NTAQ1: variants seen among roughly 807,000 people sequenced by gnomAD.
NTAQ1 encodes the protein protein N-terminal glutamine amidohydrolase.
NTAQ1 carries 21 observed loss-of-function variants against 28.2 expected under a neutral mutation model. That is an observed-to-expected ratio of 0.74 (90% CI 0.53 to 1.07). NTAQ1 has a LOEUF of 1.07. NTAQ1 is among the 50% of genes least tolerant of loss of function. The probability of loss-of-function intolerance (pLI) is 0.00; values close to 1 mark genes in which losing one functional copy is unlikely to be tolerated. For synonymous variants in NTAQ1, 105 were observed against 90.0 expected (o/e 1.17, Z -0.94); for missense variants, 264 against 256.6 (o/e 1.03, Z -0.20).
chr8:123,449,974 T>TATATATATATATATATATATATATATGA (rs371673968), downstream of NTAQ1, among the ~76,000 whole-genome samples: 1,026 of 55,772 alleles, frequency 0.018, 192 homozygotes, highest in East Asian at 0.028. Flanking sequence ...TATATATATA[T>TATATATATATATATATATATATATATGA]GCTGGATAAA....
rs762479894 is a variant in NTAQ1, at chr8:123,419,081, GTTTTTTTTT to G, written c.83+2176_83+2184del. On this transcript the variant is annotated intron_variant, in intron 1 of 5. Coordinates refer to ENST00000287387, the MANE Select transcript of NTAQ1 (RefSeq NM_018024.3). The stretch of plus-strand genomic sequence containing the variant: ...TACTTTGGCTCCTGCAGCTTTGGGG[GTTTTTTTTT>G]TTTTTTTTTTTTTTTTTTTTTTTTT... 3.9e-4 allele frequency among the ~76,000 whole-genome samples: 47 copies of G among 119,930 alleles called. 6 individuals are homozygous for G. The highest frequency in any genetic ancestry group is 1.5e-3 in the African/African-American group (45 of 29,554). The allele number at this position is 119,930 out of a possible 152,430, so 78.7% of individuals were successfully genotyped here. A position where few individuals can be genotyped will look rare whatever the true frequency, so the allele number is the denominator to read the frequency against.
downstream of NTAQ1, among the ~76,000 whole-genome samples, chr8:123,473,284 G>A (rs531708118): frequency 6.6e-6 from 1 of 150,488 alleles, no homozygotes; most frequent in Admixed American, 6.6e-5. Context: ...TAATTAATTT[G>A]TATTCTTGAA....
At chr8:123,438,353 A>G in intron 5 of NTAQ1, 1 of 577,544 alleles carries the variant, frequency 1.7e-6, no homozygotes, top group South Asian at 2.1e-5. Flanking sequence ...ATAGGGCAGT[A>G]GTGTTAGTAC....
At chr8:123,469,182 A>C (rs538499109) in exon 7 of NTAQ1, among the ~76,000 whole-genome samples, 1 of 152,308 alleles carries the variant, frequency 6.6e-6, no homozygotes, top group Non-Finnish European at 1.5e-5. Flanking sequence ...CCTTTTCACT[A>C]TATTGATTGT....
intron 3 of NTAQ1, among the ~76,000 whole-genome samples, chr8:123,431,588 G>A (rs1457572003): frequency 6.6e-6 from 1 of 152,190 alleles, no homozygotes; most frequent in African/African-American, 2.4e-5. Flanking sequence ...GCCAGCAGGT[G>A]ATCTTGCATG....
chr8:123,444,053 TTC>T (rs1554656176), downstream of NTAQ1, among the ~76,000 whole-genome samples: 1,575 of 151,290 alleles, frequency 0.01, 21 homozygotes, highest in African/African-American at 0.036. Flanking sequence ...TTTAAACTTT[TTC>T]TTTTTTTTTT....
At chr8:123,449,075 A>G (rs1205206042), downstream of NTAQ1, among the ~76,000 whole-genome samples, 2 of 152,160 alleles carry the variant, frequency 1.3e-5, no homozygotes, top group East Asian at 1.9e-4. Context: ...TGGGAAGGAA[A>G]GAAAGAACTG....
chr8:123,437,803 A>T (rs1416843781), intron 5 of NTAQ1, among the ~76,000 whole-genome samples: 6 of 152,192 alleles, frequency 3.9e-5, no homozygotes, highest in Admixed American at 3.3e-4. Context: ...TTCAGAAATG[A>T]AGGCACAGAG....
chr8:123,439,003 G>A (rs989298120), intron 5 of NTAQ1, among the ~76,000 whole-genome samples: 6 of 152,134 alleles, frequency 3.9e-5, no homozygotes, highest in African/African-American at 1.4e-4. Context: ...TGAGATGTGA[G>A]CACCTAAGAC....
downstream of NTAQ1, among the ~76,000 whole-genome samples, chr8:123,471,511 A>G (rs1331015604): frequency 2.0e-5 from 3 of 152,192 alleles, no homozygotes; most frequent in East Asian, 5.8e-4. Context: ...TGCATAGTGA[A>G]TCAACAAGCT....
intron 6 of NTAQ1, among the ~76,000 whole-genome samples, chr8:123,466,173 G>A (rs1270132445): frequency 2.6e-5 from 4 of 152,174 alleles, no homozygotes; most frequent in African/African-American, 9.6e-5. Flanking sequence ...CCCAGAGATG[G>A]GAATCACCAA....
downstream of NTAQ1, among the ~76,000 whole-genome samples, chr8:123,471,678 T>A (rs904131794): frequency 2.0e-5 from 3 of 152,128 alleles, no homozygotes; most frequent in African/African-American, 7.2e-5. Context: ...ATGTCCCAGC[T>A]CAAAGGCAGT....
At position 123,436,540 on chromosome 8, in the gene NTAQ1, T is replaced by A; in HGVS notation, c.322T>A (p.Phe108Ile). The A allele has an allele frequency of 6.2e-7, 1 of 1,614,064 alleles. No individual in the cohort carries two copies. Among genetic ancestry groups the A allele is most frequent in the Non-Finnish European group, 8.5e-7 (1 of 1,179,970 alleles). ...LDTVLPFPCL[F>I]DTYVEDAFKS... ...TACTGTCTTGCCATTTCCCTGCCTC[T>A]TTGACACTTATGTAGAAGATGCCTT... The change falls in exon 4 of 6, where the codon TTT becomes ATT. Residue 108 changes from phenylalanine to isoleucine, a missense_variant. Coordinates refer to ENST00000287387, the MANE Select transcript of NTAQ1 (RefSeq NM_018024.3).
downstream of NTAQ1, among the ~76,000 whole-genome samples, chr8:123,445,482 C>G (rs1010321660): frequency 6.6e-6 from 1 of 151,556 alleles, no homozygotes; most frequent in Non-Finnish European, 1.5e-5. Context: ...TACATATGGT[C>G]CATAATTTAA....
chr8:123,455,982 TAC>T (rs1301048818), intron 6 of NTAQ1, among the ~76,000 whole-genome samples: 1 of 152,178 alleles, frequency 6.6e-6, no homozygotes, highest in African/African-American at 2.4e-5. Flanking sequence ...AATGTGCTAA[TAC>T]TCTTGATTTA....
chr8:123,446,715 C>T (rs1815305643), downstream of NTAQ1, among the ~76,000 whole-genome samples: 1 of 152,336 alleles, frequency 6.6e-6, no homozygotes, highest in East Asian at 1.9e-4. Context: ...CAAGTCCTCA[C>T]CAGACAACAT....
At chr8:123,419,475 G>GTTAC (rs1325653456) in intron 1 of NTAQ1, among the ~76,000 whole-genome samples, 1 of 152,166 alleles carries the variant, frequency 6.6e-6, no homozygotes, top group Non-Finnish European at 1.5e-5. Context: ...GCTTCCAGAT[G>GTTAC]TTACTTACGC....
In NTAQ1 at chr8:123,457,070, G is replaced by T. The variant is rs745682161; in HGVS notation, c.373-10009G>T. On this transcript the variant is annotated intron_variant, in intron 6 of 6. Coordinates refer to the NTAQ1 transcript ENST00000650311. ...TTTAAAAAATCTATCTATACATATA[G>T]ATATATATATTTTTGAGACAGAGTC... Among the ~76,000 whole-genome samples, 9 of 152,146 alleles carry T rather than the reference G, an allele frequency of 5.9e-5. 1 individual carries two copies. In the East Asian group the frequency reaches 9.7e-4, roughly 16 times the overall value.
rs539557844 is a variant in NTAQ1 at position 123,417,959 on chromosome 8, C to T, written c.83+1027C>T. Among the ~76,000 whole-genome samples the T allele has an allele frequency of 2.6e-4, 39 of 152,306 alleles. 1 individual carries two copies. In the South Asian group the frequency reaches 7.9e-3, roughly 31 times the overall value. On this transcript the variant is annotated intron_variant, in intron 1 of 5. Coordinates refer to ENST00000287387, the MANE Select transcript of NTAQ1 (RefSeq NM_018024.3). ...TGAAGTTCATGCATCTTAACTACTG[C>T]ACTATTTTTCTGTCCTGCCTCTCTT...
Sources: gnomAD v4.1 joint callset for allele counts (sites outside exome capture counted in the v4.1 genomes callset) on GRCh38, gnomAD v4.1.1 for gene constraint, MANE v1.5 for transcripts, NCBI Gene and HGNC (gene_info 2026-07-23, HGNC 2026-07-21) for gene names.